Variants in GMDS observed in about 807,000 individuals in gnomAD.
The protein encoded by GMDS is GDP-mannose 4,6-dehydratase, also known as GDP-mannose 4,6 dehydratase.
GMDS carries 20 observed loss-of-function variants against 49.9 expected under a neutral mutation model. The ratio of observed to expected loss-of-function variants is 0.40; its 90% CI spans 0.28 to 0.58. GMDS has a LOEUF of 0.58. Among genes scored for constraint, GMDS ranks in the 20% least tolerant of loss-of-function variants. GMDS has a pLI of 0.42. For synonymous variants in GMDS, 177 were observed against 178.6 expected (o/e 0.99, Z 0.07); for missense variants, 362 against 481.4 (o/e 0.75, Z 2.32).
At chr6:1,964,010 C>T (rs1313431591) in intron 4 of GMDS, among the ~76,000 whole-genome samples, 3 of 152,292 alleles carry the variant, frequency 2.0e-5, no homozygotes, top group African/African-American at 7.2e-5. Flanking sequence ...ATGAGGCTCA[C>T]CACAAAAGCA....
chr6:1,781,134 A>G (rs888997850), intron 7 of GMDS, among the ~76,000 whole-genome samples: 4 of 151,942 alleles, frequency 2.6e-5, no homozygotes, highest in African/African-American at 7.3e-5. Flanking sequence ...TGCTGTTTAG[A>G]AAAAGCTCTT....
chr6:2,057,339 C>T (rs1490682515), intron 4 of GMDS, among the ~76,000 whole-genome samples: 1 of 152,226 alleles, frequency 6.6e-6, no homozygotes, highest in Non-Finnish European at 1.5e-5. Context: ...CAAATAATTA[C>T]TAAATGAATG....
chr6:1,676,661 G>C (rs1025078906), intron 9 of GMDS, among the ~76,000 whole-genome samples: 1 of 152,122 alleles, frequency 6.6e-6, no homozygotes, highest in Non-Finnish European at 1.5e-5. Flanking sequence ...TGACAAACCT[G>C]ACAAAAACAA....
intron 7 of GMDS, among the ~76,000 whole-genome samples, chr6:1,806,439 A>AACACACACACAC (rs34940754): frequency 1.4e-5 from 2 of 146,112 alleles, no homozygotes; most frequent in African/African-American, 5.1e-5. Flanking sequence ...AGCACATGGG[A>AACACACACACAC]ACACACACAC....
chr6:1,634,785 TGTG>T (rs1177147846), intron 9 of GMDS, among the ~76,000 whole-genome samples: 9 of 151,800 alleles, frequency 5.9e-5, no homozygotes, highest in African/African-American at 2.2e-4. Context: ...CAGTCACAGA[TGTG>T]GTGAGAGACG....
intron 7 of GMDS, among the ~76,000 whole-genome samples, chr6:1,792,001 C>A (rs918280789): frequency 6.6e-6 from 1 of 152,012 alleles, no homozygotes; most frequent in Non-Finnish European, 1.5e-5. Flanking sequence ...ATCTCCTGAT[C>A]GATGTATTTG....
chr6:1,922,166 G>C (rs918875537), intron 7 of GMDS, among the ~76,000 whole-genome samples: 22 of 152,144 alleles, frequency 1.4e-4, no homozygotes, highest in Admixed American at 3.9e-4. Context: ...TCCTCTGCAC[G>C]TAGTTACACA....
chr6:1,952,683 C>T (rs750533532), intron 6 of GMDS, among the ~76,000 whole-genome samples: 1 of 151,704 alleles, frequency 6.6e-6, no homozygotes, highest in Non-Finnish European at 1.5e-5. Context: ...GACAGAGGAG[C>T]AAAGTTACAT....
intron 1 of GMDS, among the ~76,000 whole-genome samples, chr6:2,142,020 A>G (rs1776322439): frequency 6.6e-6 from 1 of 152,068 alleles, no homozygotes; most frequent in Non-Finnish European, 1.5e-5. Context: ...ACTGTCTGGT[A>G]GGTTAATGCC....
At chr6:1,974,636 C>G (rs1036760433) in intron 4 of GMDS, among the ~76,000 whole-genome samples, 6 of 152,108 alleles carry the variant, frequency 3.9e-5, no homozygotes, top group Admixed American at 3.9e-4. Context: ...AAAATGTCGA[C>G]AAATTGCTAA....
intron 4 of GMDS, among the ~76,000 whole-genome samples, chr6:2,004,278 T>C (rs1767016282): frequency 1.3e-5 from 2 of 152,176 alleles, no homozygotes; most frequent in Admixed American, 6.5e-5. Context: ...GCATAGTCTT[T>C]AAAGGACTTT....
rs572194836 is a variant in GMDS, at chr6:2,221,523, G to A, written c.102+23798C>T. Among the ~76,000 whole-genome samples, 4 of 152,152 alleles carry A rather than the reference G, an allele frequency of 2.6e-5. No individual in the cohort carries two copies. In the South Asian group the frequency reaches 6.2e-4, roughly 24 times the overall value. On this transcript the variant is annotated intron_variant, in intron 1 of 10. Coordinates refer to ENST00000380815, the MANE Select transcript of GMDS (RefSeq NM_001500.4). ...CCTGCCTCAGCCTCCAGAGTAGCTG[G>A]GACTACAGGCACCCGCCACCACGAC...
chr6:1,727,816 T>C (rs1317071654), intron 8 of GMDS, among the ~76,000 whole-genome samples: 1 of 152,348 alleles, frequency 6.6e-6, no homozygotes, highest in African/African-American at 2.4e-5. Flanking sequence ...ACCAATGGAC[T>C]CAAGGCAAGT....
At position 1,930,179 on chromosome 6, in the gene GMDS, A is replaced by C; in HGVS notation, c.695T>G (p.Leu232Arg). ...KISRSVAKIY[L>R]GQLECFSLGN... Reference sequence around the variant, plus strand: ...CAAACTGAAACATTCCAGTTGTCCAAGGTAAATCTTAGCTACTGACCGGCT... The same window carrying C: ...CAAACTGAAACATTCCAGTTGTCCACGGTAAATCTTAGCTACTGACCGGCT... The change falls in exon 7 of 11, where the codon CTT (leucine) becomes CGT (arginine). Residue 232 changes from leucine to arginine, a missense_variant. Coordinates refer to ENST00000380815, the MANE Select transcript of GMDS (RefSeq NM_001500.4). The C allele has an allele frequency of 6.2e-7, 1 of 1,612,694 alleles. No individual in the cohort carries two copies. Among genetic ancestry groups the C allele is most frequent in the Non-Finnish European group, 8.5e-7 (1 of 1,178,960 alleles).
chr6:2,183,905 T>A (rs1190814477), intron 1 of GMDS, among the ~76,000 whole-genome samples: 3 of 152,250 alleles, frequency 2.0e-5, no homozygotes, highest in Non-Finnish European at 4.4e-5. Flanking sequence ...ACTTTAGTTA[T>A]GTACATTTTT....
chr6:1,798,720 G>A (rs144007293), intron 7 of GMDS, among the ~76,000 whole-genome samples: 2 of 152,278 alleles, frequency 1.3e-5, no homozygotes, highest in Non-Finnish European at 2.9e-5. Context: ...ACAGAACCGA[G>A]CACTGTAAAG....
chr6:1,850,770 C>A (rs1454085720), intron 7 of GMDS, among the ~76,000 whole-genome samples: 1 of 152,196 alleles, frequency 6.6e-6, no homozygotes, highest in Non-Finnish European at 1.5e-5. Context: ...TTATTGGATC[C>A]AGACCTGCAA....
At chr6:2,035,711 G>C (rs1769263932) in intron 4 of GMDS, among the ~76,000 whole-genome samples, 1 of 151,934 alleles carries the variant, frequency 6.6e-6, no homozygotes, top group East Asian at 1.9e-4. Flanking sequence ...TTTTGAGATG[G>C]AGTCTCGCTC....
At chr6:1,925,234 T>C (rs1437335956) in intron 7 of GMDS, among the ~76,000 whole-genome samples, 1 of 152,234 alleles carries the variant, frequency 6.6e-6, no homozygotes, top group African/African-American at 2.4e-5. Flanking sequence ...TATGACTTTA[T>C]TCAGAAGTAC....
Sources: gnomAD v4.1 joint callset for allele counts (sites outside exome capture counted in the v4.1 genomes callset) on GRCh38, gnomAD v4.1.1 for gene constraint, MANE v1.5 for transcripts, NCBI Gene and HGNC (gene_info 2026-07-23, HGNC 2026-07-21) for gene names.